PKNOX2: variants seen among roughly 807,000 people sequenced by gnomAD.
The protein encoded by PKNOX2 is homeobox protein PKNOX2.
In PKNOX2, 14 loss-of-function variants were observed where a neutral mutation model predicts 53.1. The observed-to-expected ratio is 0.26, with a 90% CI of 0.17 to 0.41. The LOEUF (loss-of-function observed/expected upper bound fraction) is 0.41. PKNOX2 is among the 10% of genes least tolerant of loss of function. The pLI is 1.00. For missense variants in PKNOX2, 496 were observed against 602.8 expected (o/e 0.82, Z 1.85); for synonymous variants, 257 against 242.8 (o/e 1.06, Z -0.54).
At chr11:125,178,688 G>GAAAGAAAGAAAGAA (rs1565462550) in intron 1 of PKNOX2, among the ~76,000 whole-genome samples, 1 of 114,188 alleles carries the variant, frequency 8.8e-6, no homozygotes, top group African/African-American at 4.8e-5. Context: ...GAGAGAGAGA[G>GAAAGAAAGAAAGAA]AGAGAGAGAG....
In PKNOX2 at chr11:125,326,766, C is replaced by T. The variant is rs114355483; in HGVS notation, c.-129-5053C>T. ...GGTCCAGCCCCTTGTTTATAGATGG[C>T]AATGGTGAAAACCAATAATGATGAG... is the stretch of plus-strand genomic sequence containing the variant. On this transcript the variant is annotated intron_variant, in intron 2 of 12. Transcript: ENST00000298282. Among the ~76,000 whole-genome samples the T allele has an allele frequency of 6.0e-3, 913 of 152,274 alleles. 11 individuals carry two copies. Among genetic ancestry groups the T allele is most frequent in the African/African-American group, 0.021 (864 of 41,552 alleles).
intron 4 of PKNOX2, among the ~76,000 whole-genome samples, chr11:125,354,421 C>T (rs1016642386): frequency 2.6e-5 from 4 of 152,172 alleles, no homozygotes; most frequent in African/African-American, 4.8e-5. Context: ...CTGAGCACAC[C>T]TCTCCATCAC....
intron 1 of PKNOX2, among the ~76,000 whole-genome samples, chr11:125,177,067 G>A (rs1262801376): frequency 1.3e-5 from 2 of 152,182 alleles, no homozygotes; most frequent in East Asian, 3.9e-4. Flanking sequence ...AGCTGTGACG[G>A]GGGTAGAAAT....
intron 2 of PKNOX2, among the ~76,000 whole-genome samples, chr11:125,329,846 A>G (rs1950033038): frequency 6.6e-6 from 1 of 152,192 alleles, no homozygotes; most frequent in Non-Finnish European, 1.5e-5. Flanking sequence ...GAGTCTAGAA[A>G]GGCAGTCGGG....
intron 7 of PKNOX2, among the ~76,000 whole-genome samples, chr11:125,403,090 G>C (rs1048147996): frequency 5.3e-5 from 8 of 152,184 alleles, no homozygotes; most frequent in African/African-American, 9.7e-5. Flanking sequence ...GAAACAGAGA[G>C]AGCCAATCAG....
chr11:125,222,664 G>GTGTGTGTGTGCTGTGTA (rs1941297515), intron 1 of PKNOX2, among the ~76,000 whole-genome samples: 1 of 113,882 alleles, frequency 8.8e-6, no homozygotes, highest in African/African-American at 2.8e-5. Flanking sequence ...TGCTGTGTAT[G>GTGTGTGTGTGCTGTGTA]TGTGTGTGTA....
chr11:125,386,849 G>A (rs1953670715), intron 6 of PKNOX2, among the ~76,000 whole-genome samples: 1 of 145,830 alleles, frequency 6.9e-6, no homozygotes, highest in Non-Finnish European at 1.5e-5. Flanking sequence ...TGACTGTATG[G>A]AGTCCAGAAG....
At chr11:125,364,615 T>C (rs11822890) in intron 4 of PKNOX2, among the ~76,000 whole-genome samples, 11,479 of 152,230 alleles carry the variant, frequency 0.075, 1,318 homozygotes, top group African/African-American at 0.25. Context: ...GCTCCCCCTA[T>C]ATGTCACCCT....
intron 2 of PKNOX2, among the ~76,000 whole-genome samples, chr11:125,259,968 C>T (rs188459478): frequency 7.5e-4 from 114 of 152,050 alleles, no homozygotes; most frequent in South Asian, 3.3e-3. Context: ...CCTCCAGCTC[C>T]TGGGCTCAAG....
At chr11:125,186,870 A>G (rs1591473649) in intron 1 of PKNOX2, among the ~76,000 whole-genome samples, 1 of 152,164 alleles carries the variant, frequency 6.6e-6, no homozygotes, top group African/African-American at 2.4e-5. Context: ...TTGTTGATCC[A>G]TTTTGAGTTA....
chr11:125,286,721 C>A lies in PKNOX2; in HGVS notation c.-129-45098C>A, dbSNP rs897436591. 2.6e-5 allele frequency among the ~76,000 whole-genome samples: 4 copies of A among 152,332 alleles called. No homozygotes were observed. In the East Asian group the frequency reaches 7.7e-4, roughly 29 times the overall value. ...TTTGCAGCCTGTTCTTCCTCCCTTG[C>A]CCCAAAGTTCATTGTGAATCTGGGC... On this transcript the variant is annotated intron_variant, in intron 2 of 12. Transcript: ENST00000298282.
At chr11:125,367,379 T>C (rs111420885) in intron 4 of PKNOX2, among the ~76,000 whole-genome samples, 5 of 152,310 alleles carry the variant, frequency 3.3e-5, no homozygotes, top group African/African-American at 1.2e-4. Context: ...TCAAAACCAC[T>C]GGGACCATAG....
At chr11:125,171,900 C>A (rs1447129819) in intron 1 of PKNOX2, among the ~76,000 whole-genome samples, 3 of 152,144 alleles carry the variant, frequency 2.0e-5, no homozygotes, top group Non-Finnish European at 4.4e-5. Context: ...AATACACAGA[C>A]CTGAGAGATG....
intron 1 of PKNOX2, among the ~76,000 whole-genome samples, chr11:125,195,504 C>G (rs540952609): frequency 6.6e-6 from 1 of 151,910 alleles, no homozygotes; most frequent in Non-Finnish European, 1.5e-5. Flanking sequence ...TGGGGACGGT[C>G]GAGGGTCCTG....
intron 7 of PKNOX2, among the ~76,000 whole-genome samples, chr11:125,409,779 AC>A (rs1451085836): frequency 1.3e-5 from 2 of 151,950 alleles, no homozygotes; most frequent in East Asian, 3.9e-4. Context: ...GCTTTTAATA[AC>A]CCGGAGCCCA....
intron 6 of PKNOX2, among the ~76,000 whole-genome samples, chr11:125,394,522 G>A (rs1213594128): frequency 6.6e-6 from 1 of 152,210 alleles, no homozygotes; most frequent in Non-Finnish European, 1.5e-5. Flanking sequence ...CACAAGCCCA[G>A]CCCAGGGAAT....
intron 5 of PKNOX2, among the ~76,000 whole-genome samples, chr11:125,374,734 C>A (rs149680942): frequency 6.6e-6 from 1 of 152,290 alleles, no homozygotes; most frequent in East Asian, 1.9e-4. Flanking sequence ...TCCAGGAGTC[C>A]TGAAATCTGA....
Position 125,348,530 on chromosome 11 carries a change from G to T in PKNOX2, c.-22-2754G>T, listed in dbSNP as rs186200130. ...GTTCCTGTGTCTTCTTTCGACGCGG[G>T]TCTGGCCCTGCTCCGCAGCCTGGTG... On this transcript the variant is annotated intron_variant, in intron 3 of 12. Coordinates refer to ENST00000298282, the MANE Select transcript of PKNOX2 (RefSeq NM_001382323.2). Among the ~76,000 whole-genome samples the T allele has an allele frequency of 1.8e-3, 271 of 152,328 alleles. 2 individuals are homozygous for T. Among genetic ancestry groups the T allele is most frequent in the Admixed American group, 3.5e-3 (54 of 15,308 alleles).
At chr11:125,317,262 A>G (rs1949256440) in intron 2 of PKNOX2, among the ~76,000 whole-genome samples, 1 of 152,174 alleles carries the variant, frequency 6.6e-6, no homozygotes, top group Non-Finnish European at 1.5e-5. Context: ...TGAGGCTTGA[A>G]ATCAACTTCT....
Sources: gnomAD v4.1 joint callset for allele counts (sites outside exome capture counted in the v4.1 genomes callset) on GRCh38, gnomAD v4.1.1 for gene constraint, MANE v1.5 for transcripts, NCBI Gene and HGNC (gene_info 2026-07-23, HGNC 2026-07-21) for gene names.